Variants in TTC28 observed in about 807,000 individuals in gnomAD.
The protein encoded by TTC28 is tetratricopeptide repeat domain 28.
TTC28 carries 61 observed loss-of-function variants against 198.0 expected under a neutral mutation model. That is an observed-to-expected ratio of 0.31 (90% CI 0.25 to 0.38). The LOEUF is 0.38. Ranked by LOEUF, TTC28 falls within the 10% of genes least tolerant of loss-of-function variation. The pLI, the probability that TTC28 is intolerant of heterozygous loss-of-function variation, is 1.00. For synonymous variants in TTC28, 1,171 were observed against 1,297.8 expected, an observed-to-expected ratio of 0.90 and a Z score of 2.10; for missense variants, 2,678 against 3,164.0, an observed-to-expected ratio of 0.85 and a Z score of 3.69.
chr22:28,518,986 C>T (rs1293608013), intron 2 of TTC28, among the ~76,000 whole-genome samples: 6 of 152,158 alleles, frequency 3.9e-5, no homozygotes, highest in Non-Finnish European at 8.8e-5. Context: ...TTTTTCTGGA[C>T]CTCAATTTCT....
chr22:28,092,619 GGTCAGGTTATA>G (rs763837738), intron 12 of TTC28, among the ~76,000 whole-genome samples: 46 of 152,228 alleles, frequency 3.0e-4, no homozygotes, highest in Non-Finnish European at 6.0e-4. Context: ...CAATACCTTT[GGTCAGGTTATA>G]GTCTAATCAC....
intron 10 of TTC28, among the ~76,000 whole-genome samples, chr22:28,097,274 A>G (rs1942006564): frequency 6.6e-6 from 1 of 152,230 alleles, no homozygotes; most frequent in African/African-American, 2.4e-5. Context: ...GCAAAGGGCT[A>G]TTTTAAAGAT....
At chr22:28,600,362 G>A (rs1388085824) in intron 2 of TTC28, among the ~76,000 whole-genome samples, 1 of 152,056 alleles carries the variant, frequency 6.6e-6, no homozygotes, top group East Asian at 1.9e-4. Context: ...CTGTAATCAC[G>A]CCACTGCACT....
intron 5 of TTC28, among the ~76,000 whole-genome samples, chr22:28,289,932 G>A (rs891725582): frequency 7.2e-5 from 11 of 152,114 alleles, no homozygotes. Flanking sequence ...GCTGAGGCAG[G>A]AGAATCACTT....
chr22:28,292,916 A>G (rs1023821022), intron 5 of TTC28, among the ~76,000 whole-genome samples: 3 of 152,226 alleles, frequency 2.0e-5, no homozygotes, highest in African/African-American at 7.2e-5. Flanking sequence ...AGAAGACATC[A>G]CACTTAACTG....
Position 27,983,525 on chromosome 22 carries a change from C to T in TTC28, c.6142G>A (p.Ala2048Thr). ...TATTCTTCTTCATCTTTGTTGCCTG[C>T]AGGGCGGGTCTGGGGAGGCAGCTGG... ...RSQLPPQTRP[A>T]GNKDEEEYEG... The change falls in exon 23 of 23, where the codon GCA becomes ACA. Residue 2048 changes from alanine to threonine, a missense_variant. Coordinates refer to ENST00000397906, the MANE Select transcript of TTC28 (RefSeq NM_001145418.2). The T allele has an allele frequency of 6.4e-7, 1 of 1,550,530 alleles. No individual in the cohort carries two copies. The highest frequency in any genetic ancestry group is 1.2e-5 in the South Asian group (1 of 83,978).
chr22:28,567,217 GAAAAAAAA>G (rs962703897), intron 2 of TTC28, among the ~76,000 whole-genome samples: 5 of 83,064 alleles, frequency 6.0e-5, no homozygotes, highest in African/African-American at 9.1e-5. Flanking sequence ...CTCCATCTCG[GAAAAAAAA>G]AAAAAAAAAA....
chr22:28,431,553 T>C (rs1005579686), intron 2 of TTC28, among the ~76,000 whole-genome samples: 1 of 152,232 alleles, frequency 6.6e-6, no homozygotes, highest in Non-Finnish European at 1.5e-5. Flanking sequence ...CAATAATCTG[T>C]TAACTTAAGA....
intron 2 of TTC28, among the ~76,000 whole-genome samples, chr22:28,592,741 C>T (rs2050455953): frequency 1.3e-5 from 2 of 152,196 alleles, no homozygotes; most frequent in Non-Finnish European, 1.5e-5. Flanking sequence ...TTTTAGGACA[C>T]TGACTCTCTT....
At position 28,005,694 on chromosome 22, in the gene TTC28, G is replaced by T. The variant is rs1937905211; in HGVS notation, c.4219-4141C>A. Reference sequence around the variant, plus strand: ...GGTGATAATCTTCCCTCACTCCCAAGGCCTCCTGCCTCTGCAGGTCCCTGG... The same window carrying T: ...GGTGATAATCTTCCCTCACTCCCAATGCCTCCTGCCTCTGCAGGTCCCTGG... On this transcript the variant is annotated intron_variant, in intron 14 of 22. Transcript: ENST00000397906. The surrounding 1 kb of genome is among the most constrained non-coding windows in gnomAD (Gnocchi z 4.9). 6.6e-6 allele frequency among the ~76,000 whole-genome samples: 1 copy of T among 152,132 alleles called. No individual in the cohort carries two copies. The highest frequency in any genetic ancestry group is 6.5e-5 in the Admixed American group (1 of 15,278).
chr22:28,081,767 C>T (rs1265006222), intron 12 of TTC28, among the ~76,000 whole-genome samples: 1 of 152,312 alleles, frequency 6.6e-6, no homozygotes, highest in East Asian at 1.9e-4. Flanking sequence ...GCTGGGATTA[C>T]AGGCATAAGC....
At chr22:28,019,700 A>T (rs899086789) in intron 13 of TTC28, among the ~76,000 whole-genome samples, 3 of 152,220 alleles carry the variant, frequency 2.0e-5, no homozygotes, top group Non-Finnish European at 4.4e-5. Flanking sequence ...TCAAGGCAGC[A>T]CTTTAGAGTG....
intron 12 of TTC28, among the ~76,000 whole-genome samples, chr22:28,080,640 T>C (rs1007959456): frequency 6.6e-6 from 1 of 152,192 alleles, no homozygotes; most frequent in African/African-American, 2.4e-5. Context: ...GGCTGCCTTT[T>C]CAAAATGTTA....
At chr22:28,279,876 A>G (rs186225171) in intron 5 of TTC28, among the ~76,000 whole-genome samples, 47 of 152,384 alleles carry the variant, frequency 3.1e-4, no homozygotes, top group African/African-American at 1.1e-3. Flanking sequence ...TAATGGAATT[A>G]TAAAGTATGT....
chr22:28,676,531 CT>C (rs1354362679), intron 1 of TTC28, among the ~76,000 whole-genome samples: 1 of 152,186 alleles, frequency 6.6e-6, no homozygotes, highest in East Asian at 1.9e-4. Context: ...TTATCTTTAT[CT>C]CAATAAAGCT....
chr22:28,126,186 C>CA (rs1942909665), intron 6 of TTC28, among the ~76,000 whole-genome samples: 1 of 152,180 alleles, frequency 6.6e-6, no homozygotes, highest in Admixed American at 6.5e-5. Flanking sequence ...TCTCCATTGA[C>CA]AAGAGTCCCT....
intron 1 of TTC28, among the ~76,000 whole-genome samples, chr22:28,670,721 A>ATATATATATATATATATATATATATG (rs1183203712): frequency 6.7e-6 from 1 of 150,322 alleles, no homozygotes; most frequent in African/African-American, 2.5e-5. Flanking sequence ...ATATATATAT[A>ATATATATATATATATATATATATATG]TATGAGTGGA....
chr22:28,360,289 T>G (rs569754510), intron 2 of TTC28, among the ~76,000 whole-genome samples: 1 of 152,214 alleles, frequency 6.6e-6, no homozygotes, highest in Admixed American at 6.5e-5. Context: ...AGTGCTAGAA[T>G]CCTGCTCACT....
intron 5 of TTC28, among the ~76,000 whole-genome samples, chr22:28,251,702 T>C (rs1930525245): frequency 1.3e-5 from 2 of 152,216 alleles, no homozygotes; most frequent in Non-Finnish European, 2.9e-5. Flanking sequence ...TGTGGAATGT[T>C]AATATTTATC....
Sources: allele counts gnomAD v4.1 joint callset (sites outside exome capture counted in the v4.1 genomes callset), GRCh38; gene constraint gnomAD v4.1.1; non-coding constraint Gnocchi (gnomAD v3.1); transcripts MANE v1.5; gene names NCBI Gene and HGNC (gene_info 2026-07-23, HGNC 2026-07-21).